COP1: variants seen among roughly 807,000 people sequenced by gnomAD.
COP1 encodes COP1 E3 ubiquitin ligase.
In COP1, 24 loss-of-function variants were observed where a neutral mutation model predicts 101.3. That is an observed-to-expected ratio of 0.24 (90% CI 0.17 to 0.33). The LOEUF (loss-of-function observed/expected upper bound fraction) is 0.33, where lower values mean the gene tolerates loss of function less well. COP1 is among the 10% of genes least tolerant of loss of function. The pLI is 1.00. For missense variants in COP1, 663 were observed against 906.2 expected (o/e 0.73, Z 3.45); for synonymous variants, 347 against 341.9 (o/e 1.01, Z -0.17).
intron 15 of COP1, among the ~76,000 whole-genome samples, chr1:176,016,781 A>G (rs1449386428): frequency 6.6e-6 from 1 of 152,178 alleles, no homozygotes; most frequent in Non-Finnish European, 1.5e-5. Context: ...AGGTGATAAA[A>G]CAAAGGTAAA....
At chr1:176,077,557 CA>C (rs1003191858) in intron 11 of COP1, among the ~76,000 whole-genome samples, 3 of 152,068 alleles carry the variant, frequency 2.0e-5, no homozygotes, top group African/African-American at 7.2e-5. Context: ...AGTGAATGGG[CA>C]AAAGCTGAAA....
chr1:176,145,898 T>G (rs914778683), intron 6 of COP1, among the ~76,000 whole-genome samples: 3 of 152,052 alleles, frequency 2.0e-5, no homozygotes, highest in Admixed American at 6.6e-5. Flanking sequence ...CCAAAAAGGG[T>G]GGTCAGGGTG....
chr1:176,030,645 G>A (rs1012984036), intron 14 of COP1, among the ~76,000 whole-genome samples: 5 of 152,010 alleles, frequency 3.3e-5, no homozygotes, highest in Non-Finnish European at 7.4e-5. Flanking sequence ...TAAGATATTA[G>A]AATTCAATAT....
chr1:176,053,748 C>T (rs960428696), intron 11 of COP1, among the ~76,000 whole-genome samples: 2 of 152,196 alleles, frequency 1.3e-5, no homozygotes, highest in Non-Finnish European at 2.9e-5. Context: ...ATGGAACCTA[C>T]ACCCACTGCT....
At chr1:175,945,810 C>T (rs1649098841) in intron 19 of COP1, among the ~76,000 whole-genome samples, 2 of 152,222 alleles carry the variant, frequency 1.3e-5, no homozygotes, top group Non-Finnish European at 1.5e-5. Context: ...CTACAACACT[C>T]ACTAAGTAGC....
chr1:176,130,794 TCACA>T (rs1397707109), intron 8 of COP1, among the ~76,000 whole-genome samples: 1 of 151,210 alleles, frequency 6.6e-6, no homozygotes, highest in Non-Finnish European at 1.5e-5. Flanking sequence ...AAAACAATAC[TCACA>T]GGATTACAGT....
At chr1:176,148,747 A>C (rs897244597) in intron 6 of COP1, among the ~76,000 whole-genome samples, 11 of 152,204 alleles carry the variant, frequency 7.2e-5, no homozygotes, top group African/African-American at 2.6e-4. Flanking sequence ...ATCTATTTTC[A>C]ATTCTTTATA....
chr1:175,985,599 G>A (rs920016534), intron 18 of COP1, among the ~76,000 whole-genome samples: 1 of 152,184 alleles, frequency 6.6e-6, no homozygotes, highest in African/African-American at 2.4e-5. Flanking sequence ...GCTAGTATAA[G>A]CACTTTCACC....
At chr1:176,175,501 A>G (rs1392979278) in intron 3 of COP1, among the ~76,000 whole-genome samples, 1 of 152,182 alleles carries the variant, frequency 6.6e-6, no homozygotes, top group African/African-American at 2.4e-5. Flanking sequence ...GATCCCTTGC[A>G]TGTGCAGTTC....
chr1:176,205,695 A>C (rs1220201365), intron 1 of COP1, among the ~76,000 whole-genome samples: 1 of 152,242 alleles, frequency 6.6e-6, no homozygotes, highest in Admixed American at 6.5e-5. Flanking sequence ...AAGACAATCA[A>C]CACCACCTTT....
At chr1:175,971,928 T>C (rs1209454789) in intron 18 of COP1, among the ~76,000 whole-genome samples, 2 of 152,086 alleles carry the variant, frequency 1.3e-5, no homozygotes, top group Non-Finnish European at 2.9e-5. Context: ...TCAGGAGGGT[T>C]TGAGACAGTA....
At chr1:176,202,275 G>A (rs1022472284) in intron 1 of COP1, among the ~76,000 whole-genome samples, 2 of 146,410 alleles carry the variant, frequency 1.4e-5, no homozygotes, top group Admixed American at 7.1e-5. Flanking sequence ...CTGCAGCCTC[G>A]ACCTCACAGG....
intron 15 of COP1, among the ~76,000 whole-genome samples, chr1:175,994,947 T>C (rs1479283232): frequency 6.6e-6 from 1 of 152,208 alleles, no homozygotes; most frequent in Non-Finnish European, 1.5e-5. Context: ...TATACATTTT[T>C]TTCAGCACCA....
intron 9 of COP1, among the ~76,000 whole-genome samples, chr1:176,099,353 C>A (rs1487767054): frequency 1.3e-5 from 2 of 152,122 alleles, no homozygotes; most frequent in African/African-American, 4.8e-5. Context: ...ACTGAACTCA[C>A]CAAAAACTGA....
At chr1:176,059,171 TTAA>T (rs1674404412) in intron 11 of COP1, among the ~76,000 whole-genome samples, 1 of 152,240 alleles carries the variant, frequency 6.6e-6, no homozygotes, top group African/African-American at 2.4e-5. Flanking sequence ...CAACCAGACT[TTAA>T]TAATTTTGGA....
At chr1:176,153,240 C>T (rs1692900220) in intron 5 of COP1, among the ~76,000 whole-genome samples, 1 of 152,012 alleles carries the variant, frequency 6.6e-6, no homozygotes, top group South Asian at 2.1e-4. Context: ...TTATCTTTTA[C>T]CCACCCAGAA....
intron 18 of COP1, among the ~76,000 whole-genome samples, chr1:175,956,197 C>T (rs1159365674): frequency 1.3e-5 from 2 of 151,616 alleles, no homozygotes; most frequent in Non-Finnish European, 2.9e-5. Flanking sequence ...CAGATCCATC[C>T]ATAATCAACT....
chr1:176,098,912 T>C (rs1300349937), intron 9 of COP1, among the ~76,000 whole-genome samples: 10 of 152,326 alleles, frequency 6.6e-5, no homozygotes, highest in Admixed American at 2.0e-4. Flanking sequence ...CAGAACACGT[T>C]TACTTACATG....
At chr1:175,998,819 C>G (rs1292471199) in intron 15 of COP1, among the ~76,000 whole-genome samples, 1 of 151,930 alleles carries the variant, frequency 6.6e-6, no homozygotes, top group Non-Finnish European at 1.5e-5. Context: ...TAAGGTAAAG[C>G]CTAGGTAATC....
Sources: allele counts gnomAD v4.1 joint callset (sites outside exome capture counted in the v4.1 genomes callset), GRCh38; gene constraint gnomAD v4.1.1; transcripts MANE v1.5; gene names NCBI Gene and HGNC (gene_info 2026-07-23, HGNC 2026-07-21).